CADPS2: variants seen among roughly 807,000 people sequenced by gnomAD.
The protein encoded by CADPS2 is calcium-dependent secretion activator 2.
In CADPS2, 93 loss-of-function variants were observed where a neutral mutation model predicts 172.5. The observed-to-expected ratio is 0.54, with a 90% CI of 0.46 to 0.64. CADPS2 has a LOEUF of 0.64. Among genes scored for constraint, CADPS2 ranks in the 30% least tolerant of loss-of-function variants. The pLI, the probability that CADPS2 is intolerant of heterozygous loss-of-function variation, is 0.00. For synonymous variants in CADPS2, 546 were observed against 555.2 expected (o/e 0.98, Z 0.23); for missense variants, 1,420 against 1,565.9 (o/e 0.91, Z 1.57).
intron 8 of CADPS2, among the ~76,000 whole-genome samples, chr7:122,542,830 G>T (rs142179620): frequency 2.6e-5 from 4 of 151,990 alleles, no homozygotes; most frequent in African/African-American, 9.6e-5. Flanking sequence ...GAGGAGTTAA[G>T]CCCTTTCTAT....
intron 22 of CADPS2, among the ~76,000 whole-genome samples, chr7:122,389,393 C>T (rs551184711): frequency 2.0e-5 from 3 of 152,008 alleles, no homozygotes; most frequent in Admixed American, 6.6e-5. Flanking sequence ...AAAAACAATG[C>T]GTTTCAGGTC....
intron 2 of CADPS2, among the ~76,000 whole-genome samples, chr7:122,669,355 A>ATATT (rs1554708351): frequency 7.2e-6 from 1 of 139,508 alleles, no homozygotes; most frequent in African/African-American, 2.7e-5. Context: ...ATATATATAT[A>ATATT]TTTTTTTTTT....
intron 25 of CADPS2, among the ~76,000 whole-genome samples, chr7:122,362,189 C>T (rs2040241318): frequency 6.6e-6 from 1 of 152,146 alleles, no homozygotes; most frequent in Non-Finnish European, 1.5e-5. Flanking sequence ...CAATGGCTGA[C>T]ATTAGTTAAC....
At position 122,393,645 on chromosome 7, in the gene CADPS2, G is replaced by C. The variant is rs1375208892; in HGVS notation, c.2747-63C>G. On this transcript the variant is annotated intron_variant, in intron 20 of 29. Coordinates refer to ENST00000449022, the MANE Select transcript of CADPS2 (RefSeq NM_017954.11). ...ATAATATCAGACATTTGGAAAATAT[G>C]GGCCAAAAAAACACGTTTTCTGAGA... is the stretch of plus-strand genomic sequence containing the variant. 3.2e-6 allele frequency: 5 copies of C among 1,584,710 alleles called. No individual in the cohort carries two copies. The African/African-American group carries it at 5.4e-5, about 17-fold the overall frequency.
chr7:122,558,255 G>A (rs2132111530), intron 7 of CADPS2, among the ~76,000 whole-genome samples: 1 of 152,148 alleles, frequency 6.6e-6, no homozygotes, highest in South Asian at 2.1e-4. Flanking sequence ...CATGTTTAGA[G>A]ATTGTGTCTG....
intron 8 of CADPS2, among the ~76,000 whole-genome samples, chr7:122,538,097 T>G (rs902257259): frequency 4.6e-5 from 7 of 151,150 alleles, no homozygotes; most frequent in African/African-American, 1.7e-4. Context: ...TGAAAATACA[T>G]TTCTAACAAA....
intron 2 of CADPS2, among the ~76,000 whole-genome samples, chr7:122,727,793 C>T (rs569300231): frequency 6.6e-6 from 1 of 152,032 alleles, no homozygotes; most frequent in African/African-American, 2.4e-5. Context: ...CATGAAAACA[C>T]ATTGTGCAAA....
At chr7:122,760,353 AG>A (rs1184141961) in intron 1 of CADPS2, among the ~76,000 whole-genome samples, 1 of 152,126 alleles carries the variant, frequency 6.6e-6, no homozygotes, top group East Asian at 1.9e-4. Context: ...TTTCATGTTT[AG>A]CAGATATATA....
At position 122,474,513 on chromosome 7, in the gene CADPS2, T is replaced by C. The variant is rs1233517635; in HGVS notation, c.1866A>G (p.Ala622=). The change falls in exon 13 of 30, where the codon GCA becomes GCG. Residue 622 remains alanine (A), a synonymous_variant. Transcript: ENST00000449022. ...HADAQLSGKD[A]DRFQKHGMDE... is the part of the protein sequence containing the mutation. ...CCATACCATGTTTCTGAAAACGATC[T>C]GCATCTGTAAATTCAGGAAAGCATG... is the stretch of plus-strand genomic sequence containing the variant. 6.2e-7 allele frequency: 1 copy of C among 1,612,520 alleles called. No homozygotes were observed. The highest frequency in any genetic ancestry group is 8.5e-7 in the Non-Finnish European group (1 of 1,179,210).
chr7:122,551,791 A>T lies in CADPS2; in HGVS notation c.1475+2759T>A, dbSNP rs541168564. Among the ~76,000 whole-genome samples, 4 of 152,310 alleles carry T rather than the reference A, an allele frequency of 2.6e-5. No homozygotes were observed. In the South Asian group the frequency reaches 8.3e-4, roughly 32 times the overall value. On this transcript the variant is annotated intron_variant, in intron 8 of 29. Coordinates refer to ENST00000449022, the MANE Select transcript of CADPS2 (RefSeq NM_017954.11). ...ATTGATTATAGGAGAAATGATTGAC[A>T]AAACACGATCCAGGCCCAAAGCGAA...
rs140018558 is a variant in CADPS2 at position 122,614,430 on chromosome 7, G to A, written c.1223+751C>T. ...TCCTGAATGAACAGGTCACATATTGGTATTATAATAAGGCAAAATCCTAAA... is the reference window on the plus strand; with the variant it reads ...TCCTGAATGAACAGGTCACATATTGATATTATAATAAGGCAAAATCCTAAA... On this transcript the variant is annotated intron_variant, in intron 6 of 29. Transcript: ENST00000449022. 2.0e-5 allele frequency among the ~76,000 whole-genome samples: 3 copies of A among 152,096 alleles called. No homozygotes were observed. In the East Asian group the frequency reaches 5.8e-4, roughly 29 times the overall value.
At chr7:122,587,860 AC>A (rs2070016150) in intron 6 of CADPS2, among the ~76,000 whole-genome samples, 1 of 151,964 alleles carries the variant, frequency 6.6e-6, no homozygotes, top group African/African-American at 2.4e-5. Flanking sequence ...TTTCTCTGCA[AC>A]CTTGCTAACA....
chr7:122,769,539 G>A (rs566244860), intron 1 of CADPS2, among the ~76,000 whole-genome samples: 4 of 152,294 alleles, frequency 2.6e-5, no homozygotes, highest in East Asian at 1.9e-4. Flanking sequence ...AGCTTAAAAC[G>A]GAGAATTCCT....
chr7:122,730,621 T>A (rs914898364), intron 2 of CADPS2, among the ~76,000 whole-genome samples: 3 of 151,748 alleles, frequency 2.0e-5, no homozygotes, highest in East Asian at 3.9e-4. Flanking sequence ...GATATTAAAG[T>A]ATGCTAATGT....
intron 24 of CADPS2, among the ~76,000 whole-genome samples, chr7:122,383,810 G>A (rs777749114): frequency 5.3e-5 from 8 of 152,070 alleles, no homozygotes; most frequent in Non-Finnish European, 2.9e-5. Flanking sequence ...ACCTTGTCTT[G>A]GGGTATATAA....
intron 2 of CADPS2, among the ~76,000 whole-genome samples, chr7:122,734,378 A>G (rs1191492790): frequency 8.8e-5 from 8 of 90,636 alleles, no homozygotes; most frequent in African/African-American, 2.6e-4. Context: ...AAAAAAAAAA[A>G]AAAAAAAAGA....
chr7:122,488,253 AG>A (rs1477490795), intron 11 of CADPS2, among the ~76,000 whole-genome samples: 2 of 152,194 alleles, frequency 1.3e-5, no homozygotes, highest in Non-Finnish European at 2.9e-5. Flanking sequence ...AGAGCTCCAG[AG>A]GAAAAAAGTT....
intron 6 of CADPS2, among the ~76,000 whole-genome samples, chr7:122,607,501 T>C (rs1242380264): frequency 1.3e-5 from 2 of 152,110 alleles, no homozygotes; most frequent in Admixed American, 6.6e-5. Context: ...TCACAGTATA[T>C]AAGGGGACGT....
intron 8 of CADPS2, among the ~76,000 whole-genome samples, chr7:122,545,493 T>A (rs763572391): frequency 2.6e-5 from 4 of 152,152 alleles, no homozygotes; most frequent in Non-Finnish European, 5.9e-5. Flanking sequence ...AGAATCTGAA[T>A]GCTAGCTTAA....
Sources: allele counts gnomAD v4.1 joint callset (sites outside exome capture counted in the v4.1 genomes callset), GRCh38; gene constraint gnomAD v4.1.1; transcripts MANE v1.5; gene names NCBI Gene and HGNC (gene_info 2026-07-23, HGNC 2026-07-21).